Variants in UNC13C observed in about 807,000 individuals in gnomAD.
The protein encoded by UNC13C is unc-13 homolog C, also known as protein unc-13 homolog C.
UNC13C carries 174 observed loss-of-function variants against 245.4 expected under a neutral mutation model. The ratio of observed to expected loss-of-function variants is 0.71; its 90% CI spans 0.63 to 0.80. The LOEUF (loss-of-function observed/expected upper bound fraction) is 0.80, where lower values mean the gene tolerates loss of function less well. Ranked by LOEUF, UNC13C falls within the 30% of genes least tolerant of loss-of-function variation. UNC13C has a pLI of 0.00. For synonymous variants in UNC13C, 992 were observed against 895.1 expected (o/e 1.11, Z -1.93); for missense variants, 2,829 against 2,602.9 (o/e 1.09, Z -1.89).
At chr15:54,085,940 A>G (rs1468234014) in intron 2 of UNC13C, among the ~76,000 whole-genome samples, 7 of 152,108 alleles carry the variant, frequency 4.6e-5, no homozygotes, top group Non-Finnish European at 1.0e-4. Context: ...CCCTCCTTTT[A>G]TTTTAGTTGA....
intron 19 of UNC13C, among the ~76,000 whole-genome samples, chr15:54,436,483 A>G (rs868740506): frequency 4.6e-5 from 7 of 151,978 alleles, no homozygotes; most frequent in Middle Eastern, 3.4e-3. Flanking sequence ...CTATGCAGCC[A>G]TAAAAAAGGA....
At chr15:54,275,441 C>T (rs865911700) in intron 10 of UNC13C, among the ~76,000 whole-genome samples, 5 of 151,736 alleles carry the variant, frequency 3.3e-5, no homozygotes, top group Admixed American at 2.6e-4. Flanking sequence ...TTTTTTCTGC[C>T]CTTTTTTGAA....
intron 11 of UNC13C, among the ~76,000 whole-genome samples, chr15:54,297,021 A>G (rs1355349960): frequency 2.6e-5 from 4 of 152,258 alleles, no homozygotes; most frequent in South Asian, 2.1e-4. Flanking sequence ...TATAGACTGT[A>G]GGTCTTTATA....
At chr15:54,598,479 A>G (rs1255481201) in intron 30 of UNC13C, among the ~76,000 whole-genome samples, 1 of 152,190 alleles carries the variant, frequency 6.6e-6, no homozygotes, top group African/African-American at 2.4e-5. Flanking sequence ...ATATACAGAG[A>G]TAGTTCGATG....
At chr15:53,942,983 A>G in the UNC13C span, among the ~76,000 whole-genome samples, 3 of 152,138 alleles carry the variant, frequency 2.0e-5, no homozygotes, top group Non-Finnish European at 2.9e-5. Context: ...TTTTTGCTTG[A>G]TATCTTATTT....
intron 10 of UNC13C, among the ~76,000 whole-genome samples, chr15:54,272,258 C>T (rs935377630): frequency 2.0e-5 from 3 of 152,048 alleles, no homozygotes; most frequent in Admixed American, 2.0e-4. Context: ...GCGCAGAGTG[C>T]CTCAGGCCCA....
At chr15:54,471,438 A>G (rs959980884) in intron 19 of UNC13C, among the ~76,000 whole-genome samples, 1 of 151,480 alleles carries the variant, frequency 6.6e-6, no homozygotes, top group African/African-American at 2.4e-5. Context: ...TTGACCCTTT[A>G]TCATTTTATT....
rs117652934 is a variant in UNC13C, at chr15:54,370,665, G to C, written c.4714-22383G>C. On this transcript the variant is annotated intron_variant, in intron 17 of 32. Coordinates refer to ENST00000260323, the MANE Select transcript of UNC13C (RefSeq NM_001080534.3). The stretch of plus-strand genomic sequence containing the variant: ...ATTCTGATTTCTAATCTGACATGTT[G>C]TCATATTTTTATTTATAGATTTTGG... 6.0e-4 allele frequency among the ~76,000 whole-genome samples: 92 copies of C among 152,110 alleles called. No homozygotes were observed. The East Asian group carries it at 0.018, about 29-fold the overall frequency.
At chr15:54,606,974 T>C (rs1043440656) in intron 30 of UNC13C, among the ~76,000 whole-genome samples, 1 of 152,196 alleles carries the variant, frequency 6.6e-6, no homozygotes, top group Non-Finnish European at 1.5e-5. Context: ...AAATGAATTA[T>C]ACACAGTCAT....
At chr15:54,507,436 G>C (rs990644401) in intron 23 of UNC13C, among the ~76,000 whole-genome samples, 1 of 152,026 alleles carries the variant, frequency 6.6e-6, no homozygotes, top group Non-Finnish European at 1.5e-5. Context: ...TAAGGAACAA[G>C]ACTAGAATAA....
intron 4 of UNC13C, among the ~76,000 whole-genome samples, chr15:54,152,782 C>CG (rs1365108165): frequency 6.6e-6 from 1 of 152,062 alleles, no homozygotes; most frequent in Non-Finnish European, 1.5e-5. Context: ...ATGGTTTCTA[C>CG]ACCTACTGGT....
At chr15:54,176,245 A>G (rs565234501) in intron 4 of UNC13C, among the ~76,000 whole-genome samples, 2 of 152,304 alleles carry the variant, frequency 1.3e-5, no homozygotes, top group East Asian at 1.9e-4. Context: ...TGTATAAGAA[A>G]GTGTCTCCCA....
chr15:54,242,997 G>A (rs115002036), intron 7 of UNC13C, among the ~76,000 whole-genome samples: 3,861 of 151,712 alleles, frequency 0.025, 159 homozygotes, highest in African/African-American at 0.089. Flanking sequence ...CTTTTATTTT[G>A]AGTTCTGGGA....
At chr15:54,074,175 A>C (rs1362978577) in intron 2 of UNC13C, among the ~76,000 whole-genome samples, 1 of 152,144 alleles carries the variant, frequency 6.6e-6, no homozygotes, top group Non-Finnish European at 1.5e-5. Context: ...TTTGCCAAAG[A>C]TCCGATGGTT....
chr15:54,247,109 T>G (rs1363638630), intron 7 of UNC13C, among the ~76,000 whole-genome samples: 1 of 152,164 alleles, frequency 6.6e-6, no homozygotes, highest in Non-Finnish European at 1.5e-5. Context: ...CTTCAGCTCT[T>G]ATTTACAGCT....
At chr15:53,879,761 ATTT>A in the UNC13C span, among the ~76,000 whole-genome samples, 14 of 151,976 alleles carry the variant, frequency 9.2e-5, no homozygotes, top group African/African-American at 3.4e-4. Flanking sequence ...TAATGTTTGT[ATTT>A]TCAGTAGAGA....
At chr15:54,421,042 G>A (rs914867360) in intron 19 of UNC13C, among the ~76,000 whole-genome samples, 31 of 151,862 alleles carry the variant, frequency 2.0e-4, no homozygotes, top group African/African-American at 6.5e-4. Flanking sequence ...TGCCTATTTA[G>A]CACTTGCTAG....
chr15:54,508,524 A>G (rs1894585699), intron 23 of UNC13C, among the ~76,000 whole-genome samples: 1 of 152,148 alleles, frequency 6.6e-6, no homozygotes, highest in Non-Finnish European at 1.5e-5. Context: ...AATCTTTATA[A>G]AAAGAAACAA....
intron 18 of UNC13C, among the ~76,000 whole-genome samples, chr15:54,397,893 C>G (rs982855524): frequency 4.0e-5 from 6 of 151,070 alleles, no homozygotes; most frequent in Non-Finnish European, 4.5e-5. Flanking sequence ...ATATTCTTGT[C>G]TAAAATAAAT....
Sources: allele counts gnomAD v4.1 joint callset (sites outside exome capture counted in the v4.1 genomes callset), GRCh38; gene constraint gnomAD v4.1.1; transcripts MANE v1.5; gene names NCBI Gene and HGNC (gene_info 2026-07-23, HGNC 2026-07-21).